The following MYH10 variants were observed in gnomAD, a reference collection of about 807,000 sequenced individuals.
The protein encoded by MYH10 is myosin heavy chain 10, also known as myosin-10.
MYH10 carries 55 observed loss-of-function variants against 257.8 expected under a neutral mutation model. The ratio of observed to expected loss-of-function variants is 0.21; its 90% CI spans 0.17 to 0.27. The LOEUF (loss-of-function observed/expected upper bound fraction) is 0.27, where lower values mean the gene tolerates loss of function less well. Among genes scored for constraint, MYH10 ranks in the 10% least tolerant of loss-of-function variants. The probability of loss-of-function intolerance (pLI) is 1.00; values close to 1 mark genes in which losing one functional copy is unlikely to be tolerated. For synonymous variants in MYH10, 854 were observed against 921.7 expected (o/e 0.93, Z 1.33); for missense variants, 1,631 against 2,500.6 (o/e 0.65, Z 7.42).
chr17:8,564,386 G>C (rs1279216441), intron 7 of MYH10, among the ~76,000 whole-genome samples: 1 of 151,988 alleles, frequency 6.6e-6, no homozygotes, highest in African/African-American at 2.4e-5. Flanking sequence ...TTTTAACATC[G>C]TACTACTCTT....
Position 8,552,249 on chromosome 17 carries a change from C to G in MYH10, c.821-105G>C. The G allele has an allele frequency of 2.0e-6, 1 of 500,256 alleles. No individual in the cohort carries two copies. The highest frequency in any genetic ancestry group is 3.4e-6 in the Non-Finnish European group (1 of 297,804). The allele number at this position is 500,256 out of a possible 1,614,324, so 31.0% of individuals were successfully genotyped here. The stretch of plus-strand genomic sequence containing the variant: ...TTAAATCATAAAACATCTTCTTTCT[C>G]TGATTATTATATAAACTATCCTGCA... On this transcript the variant is annotated intron_variant, in intron 8 of 42. Transcript: ENST00000360416. The surrounding 1 kb of genome is among the most constrained non-coding windows in gnomAD (Gnocchi z 4.8).
At chr17:8,522,240 T>A (rs8078714) in intron 17 of MYH10, among the ~76,000 whole-genome samples, 75,725 of 152,056 alleles carry the variant, frequency 0.5, 20,020 homozygotes, top group Middle Eastern at 0.61. Context: ...TTTGTTTCCT[T>A]TGACAGAAGC....
At position 8,545,396 on chromosome 17, in the gene MYH10, T is replaced by C; in HGVS notation, c.1431+52A>G. The C allele has an allele frequency of 6.3e-7, 1 of 1,597,928 alleles. No individual in the cohort carries two copies. Among genetic ancestry groups the C allele is most frequent in the South Asian group, 1.1e-5 (1 of 89,728 alleles). Reference sequence around the variant, plus strand: ...GCACACAGTAAGCCTTCATATTTGTTAAAAGAACAAACAAAAAGAAGGACG... The same window carrying C: ...GCACACAGTAAGCCTTCATATTTGTCAAAAGAACAAACAAAAAGAAGGACG... On this transcript the variant is annotated intron_variant, in intron 13 of 42. Transcript: ENST00000360416. The surrounding 1 kb of genome is among the most constrained non-coding windows in gnomAD (Gnocchi z 4.7).
intron 3 of MYH10, among the ~76,000 whole-genome samples, chr17:8,596,310 G>A (rs775101821): frequency 2.0e-5 from 3 of 151,894 alleles, no homozygotes; most frequent in Admixed American, 6.6e-5. Flanking sequence ...GAGTTACCAC[G>A]CCCAGCTAAT....
At chr17:8,609,283 G>C (rs2084935891) in intron 2 of MYH10, among the ~76,000 whole-genome samples, 1 of 152,106 alleles carries the variant, frequency 6.6e-6, no homozygotes, top group South Asian at 2.1e-4. Context: ...AACAGGGATT[G>C]AACTGGGAAT....
At chr17:8,534,514 GC>G (rs953312335) in intron 16 of MYH10, among the ~76,000 whole-genome samples, 1 of 152,044 alleles carries the variant, frequency 6.6e-6, no homozygotes, top group African/African-American at 2.4e-5. Context: ...CTTTCCTTTG[GC>G]CCCAATTGCC....
At chr17:8,484,313 TA>T in intron 36 of MYH10, 47 bp from the exon 37 acceptor site, 1 of 1,564,330 alleles carries the variant, frequency 6.4e-7, no homozygotes, top group Non-Finnish European at 8.6e-7. Flanking sequence ...TTCTTAGTTT[TA>T]GTTAAAATAA....
intron 19 of MYH10, among the ~76,000 whole-genome samples, chr17:8,519,938 T>G (rs908323837): frequency 6.6e-6 from 1 of 152,252 alleles, no homozygotes; most frequent in East Asian, 1.9e-4. Context: ...TTTTCCCTTT[T>G]GTTTTTTCTT....
At chr17:8,609,848 T>C (rs1166315981) in intron 2 of MYH10, among the ~76,000 whole-genome samples, 1 of 151,510 alleles carries the variant, frequency 6.6e-6, no homozygotes, top group Non-Finnish European at 1.5e-5. Context: ...AGAGGAAGGA[T>C]AACTAACATT....
In MYH10 at chr17:8,539,112, C is replaced by T. The variant is rs573814551; in HGVS notation, c.1605+2995G>A. Among the ~76,000 whole-genome samples, 15 of 152,254 alleles carry T rather than the reference C, an allele frequency of 9.9e-5. No homozygotes were observed. In the South Asian group the frequency reaches 2.9e-3, roughly 30 times the overall value. ...CTTAGGACTCTGCCAAGAGTCCCCA[C>T]CAGCAAGAATACCCTCATCCAATGC... On this transcript the variant is annotated intron_variant, in intron 14 of 42. Transcript: ENST00000360416.
At chr17:8,573,666 G>A (rs1386422412) in intron 6 of MYH10, among the ~76,000 whole-genome samples, 2 of 152,132 alleles carry the variant, frequency 1.3e-5, no homozygotes, top group African/African-American at 2.4e-5. Flanking sequence ...ACTTGCAGTC[G>A]GCTGGTGGAT....
chr17:8,625,434 T>G (rs1337336271), intron 1 of MYH10, among the ~76,000 whole-genome samples: 1 of 152,114 alleles, frequency 6.6e-6, no homozygotes, highest in Non-Finnish European at 1.5e-5. Flanking sequence ...TGCTGGGCTC[T>G]ATCCCAGAGT....
chr17:8,623,074 A>G lies in MYH10; in HGVS notation c.173T>C (p.Val58Ala). Residue 58 changes from valine (V) to alanine (A), a missense_variant, in exon 2 of 43, where the codon GTT becomes GCT. Val to Ala is a moderately conservative substitution (Grantham distance 64, BLOSUM62 0). Around this residue, in one of 11 missense-constraint regions of MYH10, gnomAD observed 360 missense variants for 581.9 expected, o/e 0.62. Transcript: ENST00000360416. ...TCCATTCTCTGCCAACTCCACCATA[A>G]CTTCATCTCCCCGTTCTTCTTTGAT... ...ASIKEERGDE[V>A]MVELAENGKK... 2.5e-6 allele frequency: 4 copies of G among 1,613,964 alleles called. No homozygotes were observed. The highest frequency in any genetic ancestry group is 3.4e-6 in the Non-Finnish European group (4 of 1,180,008).
chr17:8,603,145 C>G (rs566909753), intron 3 of MYH10, among the ~76,000 whole-genome samples: 2 of 152,270 alleles, frequency 1.3e-5, no homozygotes, highest in African/African-American at 4.8e-5. Flanking sequence ...CTCATTCAAC[C>G]TGTCAAGAGA....
chr17:8,570,022 T>C (rs1327206341), intron 6 of MYH10, among the ~76,000 whole-genome samples: 1 of 152,092 alleles, frequency 6.6e-6, no homozygotes, highest in Non-Finnish European at 1.5e-5. Flanking sequence ...ATCTATAAAG[T>C]GGTCACAAGG....
chr17:8,548,688 A>G lies in MYH10; in HGVS notation c.1019T>C (p.Met340Thr). The stretch of plus-strand genomic sequence containing the variant: ...GAAGCCCATTATGTGCATTGCTTCC[A>G]TGGTCTCCTGGAAATTATCTTTGTC... ...QQDKDNFQET[M>T]EAMHIMGFSH... Residue 340 changes from methionine to threonine, a missense_variant, in exon 10 of 43, where the codon ATG (methionine) becomes ACG (threonine). This residue lies in a region of MYH10 where 360 missense variants were observed against 581.9 expected (regional missense o/e 0.62). Coordinates refer to ENST00000360416, the MANE Select transcript of MYH10 (RefSeq NM_001256012.3). The G allele has an allele frequency of 6.2e-7, 1 of 1,614,156 alleles. No individual in the cohort carries two copies. The highest frequency in any genetic ancestry group is 8.5e-7 in the Non-Finnish European group (1 of 1,180,000).
Position 8,530,696 on chromosome 17 carries a change from G to A in MYH10, c.1895-11C>T. ...GAATATTCTGAATCTCTAAAGCAGAGAAACAGCAAAAACAGGACAGAAGAG... is the reference window on the plus strand; with the variant it reads ...GAATATTCTGAATCTCTAAAGCAGAAAAACAGCAAAAACAGGACAGAAGAG... On this transcript the variant is annotated splice_polypyrimidine_tract_variant and intron_variant, in intron 16 of 42. Coordinates refer to ENST00000360416, the MANE Select transcript of MYH10 (RefSeq NM_001256012.3). The A allele has an allele frequency of 1.3e-6, 2 of 1,544,684 alleles. No homozygotes were observed. The highest frequency in any genetic ancestry group is 1.4e-5 in the African/African-American group (1 of 72,752).
chr17:8,489,187 C>T (rs1567783383), intron 35 of MYH10, among the ~76,000 whole-genome samples: 1 of 152,132 alleles, frequency 6.6e-6, no homozygotes, highest in African/African-American at 2.4e-5. Context: ...TTGGCACGCT[C>T]CTCCAGCCCT....
Position 8,504,081 on chromosome 17 carries a change from C to T in MYH10, c.3599+613G>A, listed in dbSNP as rs1282438538. Among the ~76,000 whole-genome samples the T allele has an allele frequency of 6.6e-6, 1 of 152,212 alleles. No individual in the cohort carries two copies. The highest frequency in any genetic ancestry group is 1.5e-5 in the Non-Finnish European group (1 of 68,030). ...CTCTCCTGCGACTCGTGGGCTGCCA[C>T]ACTGCAGCTTTCTACCCAGGAGCCT... On this transcript the variant is annotated intron_variant, in intron 28 of 42. Coordinates refer to ENST00000360416, the MANE Select transcript of MYH10 (RefSeq NM_001256012.3). The surrounding 1 kb of genome is among the most constrained non-coding windows in gnomAD (Gnocchi z 5.6).
Sources: allele counts gnomAD v4.1 joint callset (sites outside exome capture counted in the v4.1 genomes callset), GRCh38; gene constraint gnomAD v4.1.1; regional missense constraint gnomAD v4.1.1; non-coding constraint Gnocchi (gnomAD v3.1); transcripts MANE v1.5; gene names NCBI Gene and HGNC (gene_info 2026-07-23, HGNC 2026-07-21).